DSCAML1: variants seen among roughly 807,000 people sequenced by gnomAD.
DSCAML1 encodes cell adhesion molecule DSCAML1.
In DSCAML1, 38 loss-of-function variants were observed where a neutral mutation model predicts 200.5. That is an observed-to-expected ratio of 0.19 (90% CI 0.15 to 0.25). The LOEUF is 0.25. DSCAML1 is among the 10% of genes least tolerant of loss of function. The pLI is 1.00. For missense variants in DSCAML1, 2,223 were observed against 2,858.8 expected (o/e 0.78, Z 5.07); for synonymous variants, 1,215 against 1,165.0 (o/e 1.04, Z -0.87).
In DSCAML1 at chr11:117,443,877, G is replaced by T; in HGVS notation, c.3862+9C>A. The T allele has an allele frequency of 6.3e-7, 1 of 1,592,118 alleles. No individual in the cohort carries two copies. Among genetic ancestry groups the T allele is most frequent in the Non-Finnish European group, 8.5e-7 (1 of 1,169,842 alleles). On this transcript the variant is annotated intron_variant, in intron 21 of 32. Transcript: ENST00000651296. Reference sequence around the variant, plus strand: ...GTTTGCCCCTCTGCCACAGCCTCAGGCTTCTCACCCTTGCCAGCAGGCTCG... The same window carrying T: ...GTTTGCCCCTCTGCCACAGCCTCAGTCTTCTCACCCTTGCCAGCAGGCTCG...
At chr11:117,783,110 T>C (rs1565283114) in intron 1 of DSCAML1, among the ~76,000 whole-genome samples, 3 of 152,194 alleles carry the variant, frequency 2.0e-5, no homozygotes, top group Non-Finnish European at 1.5e-5. Flanking sequence ...CACACATACA[T>C]GCACATACAC....
At chr11:117,782,951 A>G (rs2055289946) in intron 1 of DSCAML1, among the ~76,000 whole-genome samples, 1 of 152,132 alleles carries the variant, frequency 6.6e-6, no homozygotes, top group African/African-American at 2.4e-5. Flanking sequence ...GACTTTGGCA[A>G]TCTGGCCCTA....
intron 3 of DSCAML1, among the ~76,000 whole-genome samples, chr11:117,743,206 G>A (rs1421268347): frequency 6.6e-6 from 1 of 152,200 alleles, no homozygotes; most frequent in Non-Finnish European, 1.5e-5. Context: ...GTCTTACATA[G>A]CACAGACGAG....
intron 3 of DSCAML1, among the ~76,000 whole-genome samples, chr11:117,693,774 G>A (rs2053538073): frequency 6.6e-6 from 1 of 152,116 alleles, no homozygotes; most frequent in Admixed American, 6.5e-5. Context: ...TACAGGTGAA[G>A]AAACTGAGAC....
intron 3 of DSCAML1, among the ~76,000 whole-genome samples, chr11:117,626,337 A>G (rs935253488): frequency 6.6e-6 from 1 of 152,164 alleles, no homozygotes; most frequent in African/African-American, 2.4e-5. Context: ...CCTTAAGCAG[A>G]AAGGACCCTG....
intron 3 of DSCAML1, among the ~76,000 whole-genome samples, chr11:117,609,035 C>CAAA (rs58446545): frequency 1.8e-4 from 20 of 110,848 alleles, no homozygotes; most frequent in African/African-American, 6.2e-4. Context: ...AACAAACAAA[C>CAAA]AAAAAAAACA....
intron 3 of DSCAML1, among the ~76,000 whole-genome samples, chr11:117,684,452 A>AAG (rs1555198515): frequency 1.5e-4 from 22 of 144,698 alleles, no homozygotes; most frequent in African/African-American, 5.8e-4. Context: ...AAAAAAAAAA[A>AAG]AAAAAAAAGA....
intron 3 of DSCAML1, among the ~76,000 whole-genome samples, chr11:117,745,913 C>T (rs1265379343): frequency 6.6e-6 from 1 of 152,052 alleles, no homozygotes; most frequent in Admixed American, 6.6e-5. Flanking sequence ...AGGTAAGGTG[C>T]TTAGAACAGT....
chr11:117,647,651 T>C (rs1212371365), intron 3 of DSCAML1, among the ~76,000 whole-genome samples: 1 of 151,106 alleles, frequency 6.6e-6, no homozygotes, highest in Non-Finnish European at 1.5e-5. Flanking sequence ...AGGAGACAAA[T>C]GGAGAAAGGG....
chr11:117,752,875 C>A (rs1591473074), intron 3 of DSCAML1, among the ~76,000 whole-genome samples: 2 of 152,326 alleles, frequency 1.3e-5, no homozygotes, highest in East Asian at 3.9e-4. Context: ...CAGGGCCCAG[C>A]ACAGAGCCTG....
intron 1 of DSCAML1, among the ~76,000 whole-genome samples, chr11:117,790,451 A>C (rs2055439986): frequency 6.6e-6 from 1 of 152,256 alleles, no homozygotes; most frequent in South Asian, 2.1e-4. Flanking sequence ...GCTGAAAAGC[A>C]AAGCTAGGAA....
At position 117,439,944 on chromosome 11, in the gene DSCAML1, GA is replaced by G. The variant is rs2048009112; in HGVS notation, c.3863-9del. ...AGATGATCTTTGCTGGGGCTACAGG[GA>G]GGAGAGGATGAGGGCCACTCCACTT... On this transcript the variant is annotated splice_polypyrimidine_tract_variant and intron_variant, in intron 21 of 32. Coordinates refer to ENST00000651296, the MANE Select transcript of DSCAML1 (RefSeq NM_020693.4). The G allele has an allele frequency of 1.9e-6, 3 of 1,612,520 alleles. No individual in the cohort carries two copies. The highest frequency in any genetic ancestry group is 1.6e-4 in the Middle Eastern group (1 of 6,080).
At chr11:117,588,095 T>G (rs1466443236) in intron 3 of DSCAML1, among the ~76,000 whole-genome samples, 1 of 152,220 alleles carries the variant, frequency 6.6e-6, no homozygotes, top group African/African-American at 2.4e-5. Context: ...CATGGAATCC[T>G]CTGACAATTC....
At chr11:117,710,225 C>T (rs745394932) in intron 3 of DSCAML1, among the ~76,000 whole-genome samples, 14 of 152,192 alleles carry the variant, frequency 9.2e-5, no homozygotes, top group Admixed American at 1.3e-4. Context: ...TAAAAATCTA[C>T]GTAGTAATTT....
Position 117,428,289 on chromosome 11 carries a change from CGCGGCGCGGT to C in DSCAML1, c.*29_*38del. On this transcript the variant is annotated 3_prime_UTR_variant, in exon 33 of 33. Coordinates refer to ENST00000651296, the MANE Select transcript of DSCAML1 (RefSeq NM_020693.4). ...GCCGAGCTGGCGTGTGGGGCTGCGG[CGCGGCGCGGT>C]CCAGGCGTGGCTGCTCTTCCTGCGG... 1 of 1,161,010 alleles carries C rather than the reference CGCGGCGCGGT, an allele frequency of 8.6e-7. No homozygotes were observed. The highest frequency in any genetic ancestry group is 1.3e-6 in the Non-Finnish European group (1 of 787,696). The allele number at this position is 1,161,010 out of a possible 1,614,324, so 71.9% of individuals were successfully genotyped here. A position where few individuals can be genotyped will look rare whatever the true frequency, so the allele number is the denominator to read the frequency against.
chr11:117,476,003 T>G (rs2137195157), intron 14 of DSCAML1, among the ~76,000 whole-genome samples: 1 of 152,330 alleles, frequency 6.6e-6, no homozygotes. Flanking sequence ...GGCCCTATTT[T>G]CTTCCTTTTC....
intron 3 of DSCAML1, among the ~76,000 whole-genome samples, chr11:117,552,441 T>G (rs1198466904): frequency 2.0e-5 from 3 of 151,868 alleles, no homozygotes; most frequent in Non-Finnish European, 4.4e-5. Flanking sequence ...CCCTCTCCCC[T>G]GCCCCCGAGA....
chr11:117,793,576 T>C (rs1317190294), intron 1 of DSCAML1, among the ~76,000 whole-genome samples: 1 of 152,062 alleles, frequency 6.6e-6, no homozygotes, highest in Non-Finnish European at 1.5e-5. Flanking sequence ...GTCCATGGGG[T>C]GCTCTGGACA....
intron 3 of DSCAML1, among the ~76,000 whole-genome samples, chr11:117,640,289 A>G (rs2052380225): frequency 6.6e-6 from 1 of 152,200 alleles, no homozygotes; most frequent in South Asian, 2.1e-4. Context: ...TCCATCGCTG[A>G]GCCAGCCCTC....
Sources: allele counts gnomAD v4.1 joint callset (sites outside exome capture counted in the v4.1 genomes callset), GRCh38; gene constraint gnomAD v4.1.1; transcripts MANE v1.5; gene names NCBI Gene and HGNC (gene_info 2026-07-23, HGNC 2026-07-21).